CATSPER2: variants seen among roughly 807,000 people sequenced by gnomAD.
CATSPER2 encodes cation channel sperm-associated protein 2.
CATSPER2 carries 56 observed loss-of-function variants against 68.8 expected under a neutral mutation model. The ratio of observed to expected loss-of-function variants is 0.81; its 90% CI spans 0.66 to 1.02. The LOEUF is 1.02. Among genes scored for constraint, CATSPER2 ranks in the 50% least tolerant of loss-of-function variants. The pLI is 0.00. For synonymous variants in CATSPER2, 198 were observed against 229.9 expected (o/e 0.86, Z 1.26); for missense variants, 582 against 642.0 (o/e 0.91, Z 1.01).
chr15:43,630,851 A>T lies in CATSPER2; in HGVS notation c.1562-119T>A, dbSNP rs191450862. On this transcript the variant is annotated intron_variant, in intron 12 of 12. Transcript: ENST00000396879. ...CCCTCACAAGTCTTTACTAATCTTT[A>T]AATTAAGCCATATGATTCTGTGTAC... 635 of 1,589,782 alleles carry T rather than the reference A, an allele frequency of 4.0e-4. 5 individuals carry two copies. In the African/African-American group the frequency reaches 4.2e-3, roughly 11 times the overall value.
intron 6 of CATSPER2, 129 bp downstream of exon 6, chr15:43,639,514 C>A (rs1950372252): frequency 6.5e-7 from 1 of 1,544,658 alleles, no homozygotes; most frequent in South Asian, 1.1e-5. Context: ...ACCCATCCCC[C>A]TCGGCTTCCC....
At position 43,638,915 on chromosome 15, in the gene CATSPER2, A is replaced by ATGG. The variant is rs763850019; in HGVS notation, c.828_830dup (p.His277dup). On this transcript the variant is annotated inframe_insertion, in exon 7 of 13. Coordinates refer to ENST00000396879, the MANE Select transcript of CATSPER2 (RefSeq NM_172095.4). The stretch of plus-strand genomic sequence containing the variant: ...CCAGCTCTGCTTACGAGAAGAACAC[A>ATGG]TGGTACTCCAGGTCCTGACGAGGTG... 1 of 1,612,900 alleles carries ATGG rather than the reference A, an allele frequency of 6.2e-7. No individual in the cohort carries two copies. The highest frequency in any genetic ancestry group is 2.2e-5 in the East Asian group (1 of 44,814).
chr15:43,641,507 T>C (rs1057467385), intron 4 of CATSPER2, among the ~76,000 whole-genome samples: 3 of 140,764 alleles, frequency 2.1e-5, no homozygotes, highest in Middle Eastern at 3.2e-3. Flanking sequence ...ATGTATGCCA[T>C]ACCCTTGGAA....
intron 9 of CATSPER2, 135 bp from the exon 10 acceptor site, chr15:43,635,551 G>A: frequency 8.9e-7 from 1 of 1,119,726 alleles, no homozygotes; most frequent in South Asian, 1.3e-5. Context: ...TGAAAAAAAT[G>A]GAGGACACCC....
intron 11 of CATSPER2, 86 bp from the exon 12 acceptor site, chr15:43,632,449 G>C: frequency 6.4e-7 from 1 of 1,551,730 alleles, no homozygotes; most frequent in East Asian, 2.3e-5. Context: ...TGGGTGGAAA[G>C]GTGGGGTGGA....
In CATSPER2 at chr15:43,648,751, G is replaced by C. The variant is rs867885361; in HGVS notation, c.-125C>G. The stretch of plus-strand genomic sequence containing the variant: ...CAGGGCCGGCTCCCAGCCTCACTGC[G>C]CCCCATTCCCCGCCCCGCTCGACCC... On this transcript the variant is annotated 5_prime_UTR_variant, in exon 1 of 13. Coordinates refer to ENST00000396879, the MANE Select transcript of CATSPER2 (RefSeq NM_172095.4). The C allele has an allele frequency of 3.3e-6, 5 of 1,523,832 alleles. No individual in the cohort carries two copies. The highest frequency in any genetic ancestry group is 4.4e-4 in the Middle Eastern group (2 of 4,586). 94.4% of individuals were successfully genotyped at this position (1,523,832 alleles called of 1,614,324 possible).
intron 4 of CATSPER2, among the ~76,000 whole-genome samples, chr15:43,641,892 C>T (rs1193028570): frequency 6.6e-6 from 1 of 151,590 alleles, no homozygotes; most frequent in Non-Finnish European, 1.5e-5. Flanking sequence ...GAGATGGGGT[C>T]TCCCTATGCT....
chr15:43,645,504 A>T (rs368198185), intron 4 of CATSPER2, among the ~76,000 whole-genome samples: 1 of 151,638 alleles, frequency 6.6e-6, no homozygotes, highest in Admixed American at 6.6e-5. Flanking sequence ...AATTCCTCCT[A>T]GGCTGGACGT....
chr15:43,635,672 T>C, intron 9 of CATSPER2, 55 bp downstream of exon 9: 2 of 1,514,308 alleles, frequency 1.3e-6, no homozygotes, highest in Non-Finnish European at 9.1e-7. Flanking sequence ...AAACAAGAAA[T>C]GAGCTCAGGA....
In CATSPER2 at chr15:43,632,911, C is replaced by T; in HGVS notation, c.1202G>A (p.Arg401Lys). The T allele has an allele frequency of 6.2e-7, 1 of 1,602,580 alleles. No homozygotes were observed. The change falls in exon 11 of 13, where the codon AGG becomes AAG. Residue 401 changes from arginine to lysine, a missense_variant. Coordinates refer to ENST00000396879, the MANE Select transcript of CATSPER2 (RefSeq NM_172095.4). ...EDSSRGASQQ[R>K]ESLDLSEVSE... is the part of the protein sequence containing the mutation. ...CACTTCTGATAAGTCCAAACTTTCC[C>T]TTTGTTGACTAGCTCCTCTTGAACT...
Position 43,635,707 on chromosome 15 carries a change from T to C in CATSPER2, c.1121+20A>G, listed in dbSNP as rs1297747687. 9 of 1,606,696 alleles carry C rather than the reference T, an allele frequency of 5.6e-6. No individual in the cohort carries two copies. ...AAACCCTTGAGAAGGAAAGTTGGGG[T>C]TGAAAAGGGAGAAGCAGACCTCTGG... On this transcript the variant is annotated intron_variant, in intron 9 of 12. Coordinates refer to ENST00000396879, the MANE Select transcript of CATSPER2 (RefSeq NM_172095.4).
chr15:43,633,756 C>G (rs1312735130), intron 10 of CATSPER2: 1 of 151,524 alleles, frequency 6.6e-6, no homozygotes, highest in Non-Finnish European at 1.5e-5. Flanking sequence ...CCAGCCCGGG[C>G]AACATGGTGA....
rs370474653 is a variant in CATSPER2 at position 43,645,239 on chromosome 15, A to T, written c.388+1811T>A. Among the ~76,000 whole-genome samples, 8 of 151,574 alleles carry T rather than the reference A, an allele frequency of 5.3e-5. No individual in the cohort carries two copies. The East Asian group carries it at 1.6e-3, about 30-fold the overall frequency. ...CCTAGCTAACTTTTGTATTTTTTGT[A>T]GAGATGAGGTTTCTCCACATTGGCC... is the stretch of plus-strand genomic sequence containing the variant. On this transcript the variant is annotated intron_variant, in intron 4 of 12. Coordinates refer to ENST00000396879, the MANE Select transcript of CATSPER2 (RefSeq NM_172095.4).
At chr15:43,631,996 G>C (rs1161223128) in intron 12 of CATSPER2, among the ~76,000 whole-genome samples, 2 of 152,040 alleles carry the variant, frequency 1.3e-5, no homozygotes, top group African/African-American at 2.4e-5. Context: ...AGAGTTTCTA[G>C]GTTCTCTCTC....
In CATSPER2 at chr15:43,636,452, G is replaced by A. The variant is rs113882819; in HGVS notation, c.843-233C>T. 1.2e-3 allele frequency among the ~76,000 whole-genome samples: 176 copies of A among 151,692 alleles called. 2 individuals are homozygous for A. Among genetic ancestry groups the A allele is most frequent in the Non-Finnish European group, 1.3e-3 (91 of 67,886 alleles). ...GTTGCCCAGGCTGGAGTGCAGTGGCGCGATCTAGGCTCACTGCAACCTCCA... is the reference window on the plus strand; with the variant it reads ...GTTGCCCAGGCTGGAGTGCAGTGGCACGATCTAGGCTCACTGCAACCTCCA... On this transcript the variant is annotated intron_variant, in intron 7 of 12. Coordinates refer to ENST00000396879, the MANE Select transcript of CATSPER2 (RefSeq NM_172095.4).
At position 43,628,725 on chromosome 15, in the gene CATSPER2, A is replaced by G. The variant is rs956179613; in HGVS notation, c.*1976T>C. On this transcript the variant is annotated 3_prime_UTR_variant, in exon 13 of 13. Transcript: ENST00000396879. ...CTTAATTAGTGATTTCATCACAACC[A>G]CCACCTTACCTCAACAATTTGTTCA... 1.6e-5 allele frequency: 2 copies of G among 126,394 alleles called. 1 individual carries two copies. The highest frequency in any genetic ancestry group is 7.7e-5 in the African/African-American group (2 of 25,862). 7.8% of individuals were successfully genotyped at this position (126,394 alleles called of 1,614,324 possible).
intron 3 of CATSPER2, 34 bp from the exon 4 acceptor site, chr15:43,647,152 T>C: frequency 1.9e-6 from 3 of 1,589,624 alleles, no homozygotes; most frequent in Non-Finnish European, 2.6e-6. Flanking sequence ...CAGAGTGGAG[T>C]TCTTTCTGAT....
chr15:43,639,941 T>C, intron 5 of CATSPER2, 143 bp from the exon 6 acceptor site: 4 of 1,554,164 alleles, frequency 2.6e-6, no homozygotes, highest in Non-Finnish European at 3.5e-6. Flanking sequence ...CTATTCAGCC[T>C]TTCTATATTA....
At chr15:43,639,409 AAT>A in intron 6 of CATSPER2, 2 of 443,102 alleles carry the variant, frequency 4.5e-6, no homozygotes, top group South Asian at 4.5e-5. Context: ...CAAGCCCGGC[AAT>A]TTTTTTTTTT....
Sources: gnomAD v4.1 joint callset for allele counts (sites outside exome capture counted in the v4.1 genomes callset) on GRCh38, gnomAD v4.1.1 for gene constraint, MANE v1.5 for transcripts, NCBI Gene and HGNC (gene_info 2026-07-23, HGNC 2026-07-21) for gene names.